GABRB3: variants seen among roughly 807,000 people sequenced by gnomAD.
GABRB3 encodes gamma-aminobutyric acid type A receptor subunit beta3.
Under a neutral mutation model 52.1 loss-of-function variants are expected in GABRB3, and 14 were observed. The ratio of observed to expected loss-of-function variants is 0.27; its 90% CI spans 0.18 to 0.42. The LOEUF is 0.42. Ranked by LOEUF, GABRB3 falls within the 10% of genes least tolerant of loss-of-function variation. The probability of loss-of-function intolerance (pLI) is 1.00; values close to 1 mark genes in which losing one functional copy is unlikely to be tolerated. For missense variants in GABRB3, 307 were observed against 609.1 expected (o/e 0.50, Z 5.22); for synonymous variants, 260 against 232.3 (o/e 1.12, Z -1.08).
At chr15:26,727,025 C>G (rs1889791725) in intron 3 of GABRB3, among the ~76,000 whole-genome samples, 1 of 152,042 alleles carries the variant, frequency 6.6e-6, no homozygotes, top group Non-Finnish European at 1.5e-5. Context: ...TGGGTGTGAT[C>G]ACATGCACCT....
At chr15:26,652,915 T>C (rs1887241694) in intron 3 of GABRB3, among the ~76,000 whole-genome samples, 1 of 152,204 alleles carries the variant, frequency 6.6e-6, no homozygotes, top group African/African-American at 2.4e-5. Flanking sequence ...CTCTTTAAAA[T>C]AAGGATAACA....
intron 7 of GABRB3, among the ~76,000 whole-genome samples, chr15:26,565,881 G>A (rs893068812): frequency 6.6e-6 from 1 of 152,140 alleles, no homozygotes; most frequent in African/African-American, 2.4e-5. Context: ...GGCTTGGGGA[G>A]GGGTCCCAGC....
In GABRB3 at chr15:26,629,280, C is replaced by T. The variant is rs1281693949; in HGVS notation, c.241-7746G>A. ...GAGAGGGAGGAGGCGTGGTCTGTGGCTCGAGGGGCGTGGCCCGTAGCGGAA... is the reference window on the plus strand; with the variant it reads ...GAGAGGGAGGAGGCGTGGTCTGTGGTTCGAGGGGCGTGGCCCGTAGCGGAA... On this transcript the variant is annotated intron_variant, in intron 3 of 8. Transcript: ENST00000311550. The T allele has an allele frequency of 8.8e-6, 9 of 1,021,372 alleles. No homozygotes were observed. In the East Asian group the frequency reaches 2.4e-4, roughly 27 times the overall value. The allele number at this position is 1,021,372 out of a possible 1,614,324, so 63.3% of individuals were successfully genotyped here.
chr15:26,565,168 T>TGA (rs149411177), intron 7 of GABRB3, among the ~76,000 whole-genome samples: 3 of 150,978 alleles, frequency 2.0e-5, no homozygotes, highest in African/African-American at 7.3e-5. Flanking sequence ...GTCTGTTGTA[T>TGA]TGATGATGAT....
intron 7 of GABRB3, among the ~76,000 whole-genome samples, chr15:26,565,218 G>A (rs751577267): frequency 2.0e-5 from 3 of 152,016 alleles, no homozygotes; most frequent in Non-Finnish European, 4.4e-5. Context: ...CTGACACTGC[G>A]TCATACTTTT....
At chr15:26,615,589 G>A (rs1211964644) in intron 4 of GABRB3, 4 of 552,148 alleles carry the variant, frequency 7.2e-6, no homozygotes, top group Non-Finnish European at 7.1e-6. Context: ...ACAGTCATCA[G>A]AGTTAAGGAT....
chr15:26,557,752 T>C (rs1180604975), intron 8 of GABRB3: 1 of 152,148 alleles, frequency 6.6e-6, no homozygotes, highest in Admixed American at 6.5e-5. Flanking sequence ...CTTACTAAGA[T>C]TGCCGAGAAA....
At chr15:26,552,554 G>C (rs1889516418) in intron 8 of GABRB3, among the ~76,000 whole-genome samples, 1 of 152,136 alleles carries the variant, frequency 6.6e-6, no homozygotes, top group African/African-American at 2.4e-5. Flanking sequence ...GCTAGCTGTG[G>C]GAGTGCTAGG....
intron 3 of GABRB3, among the ~76,000 whole-genome samples, chr15:26,690,190 G>A (rs11629733): frequency 0.54 from 80,030 of 149,580 alleles, 23,410 homozygotes; most frequent in East Asian, 0.85. Flanking sequence ...TGATCCTCCC[G>A]CCACAGCATT....
Position 26,547,674 on chromosome 15 carries a change from A to G in GABRB3, c.*119T>C. The stretch of plus-strand genomic sequence containing the variant: ...AGTTCACATATATATACAATTGCGT[A>G]TGTATATATGTGTGTGTCTGCTTGT... On this transcript the variant is annotated 3_prime_UTR_variant, in exon 9 of 9. Coordinates refer to ENST00000311550, the MANE Select transcript of GABRB3 (RefSeq NM_000814.6). 1 of 730,974 alleles carries G rather than the reference A, an allele frequency of 1.4e-6. No individual in the cohort carries two copies. The highest frequency in any genetic ancestry group is 2.7e-5 in the East Asian group (1 of 37,718). 45.3% of individuals were successfully genotyped at this position (730,974 alleles called of 1,614,324 possible). A position where few individuals can be genotyped will look rare whatever the true frequency, so the allele number is the denominator to read the frequency against.
intron 6 of GABRB3, among the ~76,000 whole-genome samples, chr15:26,573,910 G>A (rs1427772944): frequency 1.3e-5 from 2 of 152,050 alleles, no homozygotes; most frequent in Non-Finnish European, 2.9e-5. Flanking sequence ...AATTAGCTGG[G>A]CATGGTGGCA....
chr15:26,704,809 A>C (rs970059513), intron 3 of GABRB3, among the ~76,000 whole-genome samples: 3 of 152,064 alleles, frequency 2.0e-5, no homozygotes, highest in African/African-American at 7.2e-5. Context: ...TCCCTCTGAG[A>C]CTTCATCAAA....
intron 8 of GABRB3, among the ~76,000 whole-genome samples, 155 bp downstream of exon 8, chr15:26,560,777 T>C: frequency 6.6e-6 from 1 of 152,094 alleles, no homozygotes; most frequent in East Asian, 1.9e-4. Context: ...AAAAAACACC[T>C]GGGTGCCATG....
chr15:26,589,389 T>G (rs1229897381), intron 4 of GABRB3, among the ~76,000 whole-genome samples: 1 of 152,162 alleles, frequency 6.6e-6, no homozygotes, highest in Non-Finnish European at 1.5e-5. Context: ...CTGGATATGG[T>G]CAGAGTCTGG....
intron 3 of GABRB3, among the ~76,000 whole-genome samples, chr15:26,680,621 C>T (rs1041318658): frequency 2.0e-5 from 3 of 152,010 alleles, no homozygotes; most frequent in African/African-American, 7.2e-5. Context: ...CTTCATTTAC[C>T]GCATGATTAA....
chr15:26,588,982 A>T (rs1158757437), intron 4 of GABRB3, among the ~76,000 whole-genome samples: 1 of 152,192 alleles, frequency 6.6e-6, no homozygotes, highest in Non-Finnish European at 1.5e-5. Context: ...TAAGTGTAAA[A>T]TCATATTTTG....
At chr15:26,557,001 C>G (rs1330618136) in intron 8 of GABRB3, among the ~76,000 whole-genome samples, 1 of 152,130 alleles carries the variant, frequency 6.6e-6, no homozygotes, top group Non-Finnish European at 1.5e-5. Context: ...CAGCATTATT[C>G]ACAATAGTAA....
intron 3 of GABRB3, among the ~76,000 whole-genome samples, chr15:26,662,832 A>G (rs964810991): frequency 6.6e-6 from 1 of 152,166 alleles, no homozygotes. Context: ...GACCCAACAC[A>G]TCTTTTAGTG....
At chr15:26,608,102 C>CA (rs60028329) in intron 4 of GABRB3, among the ~76,000 whole-genome samples, 27,653 of 120,050 alleles carry the variant, frequency 0.23, 3,011 homozygotes, top group African/African-American at 0.34. Context: ...ATGGTACTGG[C>CA]AAAAAAAAAA....
Sources: allele counts gnomAD v4.1 joint callset (sites outside exome capture counted in the v4.1 genomes callset), GRCh38; gene constraint gnomAD v4.1.1; transcripts MANE v1.5; gene names NCBI Gene and HGNC (gene_info 2026-07-23, HGNC 2026-07-21).